The following MOV10L1 variants were observed in gnomAD, a reference collection of about 807,000 sequenced individuals.
The protein encoded by MOV10L1 is Mov10 like RNA helicase 1.
In MOV10L1, 110 loss-of-function variants were observed where a neutral mutation model predicts 143.8. The ratio of observed to expected loss-of-function variants is 0.76; its 90% CI spans 0.66 to 0.90. The LOEUF is 0.90. MOV10L1 is among the 40% of genes least tolerant of loss of function. The probability of loss-of-function intolerance (pLI) is 0.00; values close to 1 mark genes in which losing one functional copy is unlikely to be tolerated. For missense variants in MOV10L1, 1,406 were observed against 1,526.8 expected (o/e 0.92, Z 1.32); for synonymous variants, 593 against 581.1 (o/e 1.02, Z -0.29).
Position 50,159,971 on chromosome 22 carries a change from TCAAAGA to T in MOV10L1, c.3324+188_3324+193del, listed in dbSNP as rs2063514097. ...GTGGGAAGGTCTTTTAAAACAATAC[TCAAAGA>T]CTAAGACACAGGAGAGTAAAGAGAA... On this transcript the variant is annotated intron_variant, in intron 24 of 26. Transcript: ENST00000262794. This position sits in a 1 kb window ranked among gnomAD's most constrained non-coding sequence, Gnocchi z 4.1. 1.3e-5 allele frequency among the ~76,000 whole-genome samples: 2 copies of T among 151,874 alleles called. No homozygotes were observed. The highest frequency in any genetic ancestry group is 1.3e-4 in the Admixed American group (2 of 15,244).
intron 1 of MOV10L1, 108 bp from the exon 2 acceptor site, chr22:50,091,892 CG>C (rs2062453934): frequency 9.2e-7 from 1 of 1,089,396 alleles, no homozygotes; most frequent in African/African-American, 1.6e-5. Context: ...TCAGTGCCTC[CG>C]AACTGCAAAA....
intron 22 of MOV10L1, among the ~76,000 whole-genome samples, chr22:50,155,668 G>T (rs1415473444): frequency 1.3e-5 from 2 of 152,194 alleles, no homozygotes; most frequent in East Asian, 3.9e-4. Context: ...TAGAGACGGG[G>T]TTTCACCATG....
rs377555337 is a variant in MOV10L1, at chr22:50,150,810, G to C, written c.2803G>C (p.Val935Leu). 1 of 1,614,102 alleles carries C rather than the reference G, an allele frequency of 6.2e-7. No individual in the cohort carries two copies. The highest frequency in any genetic ancestry group is 8.5e-7 in the Non-Finnish European group (1 of 1,180,038). Residue 935 changes from valine to leucine, a missense_variant, in exon 21 of 27, where the codon GTG (valine) becomes CTG (leucine). Physicochemically the swap from Val to Leu is conservative, Grantham distance 32. Transcript: ENST00000262794. ...SRLAMAYGLN[V>L]SFLERLMSRP... ...ACTCGCCATGGCCTATGGGCTGAAC[G>C]TGTCCTTTTTGGAACGGCTGATGTC...
intron 12 of MOV10L1, among the ~76,000 whole-genome samples, chr22:50,126,591 A>G (rs1228601467): frequency 6.6e-6 from 1 of 151,954 alleles, no homozygotes; most frequent in Non-Finnish European, 1.5e-5. Flanking sequence ...AAATACACCT[A>G]TGAGTTTGCA....
intron 19 of MOV10L1, among the ~76,000 whole-genome samples, chr22:50,146,619 G>A (rs956481852): frequency 2.0e-5 from 3 of 152,110 alleles, no homozygotes; most frequent in African/African-American, 7.2e-5. Context: ...AGGTCGCTCT[G>A]AACAGTGTCC....
chr22:50,154,986 CAT>C (rs1214168444), intron 22 of MOV10L1, among the ~76,000 whole-genome samples: 3 of 152,150 alleles, frequency 2.0e-5, no homozygotes, highest in Non-Finnish European at 4.4e-5. Flanking sequence ...CTTTTAGTGA[CAT>C]AAATCAGCCC....
At chr22:50,141,258 G>A (rs1267447572) in intron 15 of MOV10L1, among the ~76,000 whole-genome samples, 5 of 151,724 alleles carry the variant, frequency 3.3e-5, no homozygotes, top group Admixed American at 6.6e-5. Context: ...GGATGGTCTC[G>A]ATCTCTTGAC....
In MOV10L1 at chr22:50,159,310, G is replaced by C. The variant is rs2063498838; in HGVS notation, c.3217-368G>C. On this transcript the variant is annotated intron_variant, in intron 23 of 26. Coordinates refer to ENST00000262794, the MANE Select transcript of MOV10L1 (RefSeq NM_018995.3). The surrounding 1 kb of genome is among the most constrained non-coding windows in gnomAD (Gnocchi z 4.1). ...TTATGCTGTGATGTGTAAAGAGATGGATTTGTACATGTCGGGCGTGGTGGC... is the reference window on the plus strand; with the variant it reads ...TTATGCTGTGATGTGTAAAGAGATGCATTTGTACATGTCGGGCGTGGTGGC... 6.2e-6 allele frequency: 1 copy of C among 160,188 alleles called. No individual in the cohort carries two copies. The highest frequency in any genetic ancestry group is 6.4e-5 in the Admixed American group (1 of 15,510). The allele number at this position is 160,188 out of a possible 1,614,324, so 9.9% of individuals were successfully genotyped here.
At position 50,161,507 on chromosome 22, in the gene MOV10L1, A is replaced by C; in HGVS notation, c.*58A>C. On this transcript the variant is annotated 3_prime_UTR_variant, in exon 27 of 27. Transcript: ENST00000262794. ...CTCAGCCTGGCCACGTTGCCGTTACAGTCTGCTCCGTGGCTCCTGTGGCCT... is the reference window on the plus strand; with the variant it reads ...CTCAGCCTGGCCACGTTGCCGTTACCGTCTGCTCCGTGGCTCCTGTGGCCT... The C allele has an allele frequency of 6.7e-7, 1 of 1,502,812 alleles. No individual in the cohort carries two copies. Among genetic ancestry groups the C allele is most frequent in the Non-Finnish European group, 9.0e-7 (1 of 1,108,786 alleles). 93.1% of individuals were successfully genotyped at this position (1,502,812 alleles called of 1,614,324 possible).
rs1416078301 is a variant in MOV10L1 at position 50,090,031 on chromosome 22, G to A, written c.-58G>A. Reference sequence around the variant, plus strand: ...ATTGGTGGCGGGCGGCGGGAGCGGCGCGGGCGCGTGCGGGCGGCGGCAGCG... The same window carrying A: ...ATTGGTGGCGGGCGGCGGGAGCGGCACGGGCGCGTGCGGGCGGCGGCAGCG... On this transcript the variant is annotated 5_prime_UTR_variant, in exon 1 of 27. Coordinates refer to ENST00000262794, the MANE Select transcript of MOV10L1 (RefSeq NM_018995.3). The A allele has an allele frequency of 9.5e-6, 11 of 1,163,414 alleles. No homozygotes were observed. The highest frequency in any genetic ancestry group is 8.2e-5 in the African/African-American group (5 of 61,242). The allele number at this position is 1,163,414 out of a possible 1,614,324, so 72.1% of individuals were successfully genotyped here. A position where few individuals can be genotyped will look rare whatever the true frequency, so the allele number is the denominator to read the frequency against.
At chr22:50,108,932 G>C (rs1036295323) in intron 5 of MOV10L1, 88 bp downstream of exon 5, 1 of 1,338,126 alleles carries the variant, frequency 7.5e-7, no homozygotes. Context: ...ATCACCTGAG[G>C]TTGGGAGTTC....
At chr22:50,133,026 C>G (rs991055767) in intron 13 of MOV10L1, among the ~76,000 whole-genome samples, 1 of 147,608 alleles carries the variant, frequency 6.8e-6, no homozygotes, top group South Asian at 2.2e-4. Context: ...CAGAGCAAGC[C>G]TCCGTCTGAA....
intron 3 of MOV10L1, among the ~76,000 whole-genome samples, chr22:50,104,152 A>G (rs770115549): frequency 4.6e-5 from 7 of 152,182 alleles, no homozygotes; most frequent in Admixed American, 1.3e-4. Context: ...ATGAGAATCT[A>G]CTACCCCTGC....
intron 4 of MOV10L1, 186 bp from the exon 5 acceptor site, chr22:50,108,471 C>T (rs3810974): frequency 0.24 from 181,485 of 754,912 alleles, 23,277 homozygotes; most frequent in Admixed American, 0.38. Context: ...GTAGCTTATG[C>T]AACAGTGCTA....
At chr22:50,118,449 A>G (rs2062243747) in intron 9 of MOV10L1, among the ~76,000 whole-genome samples, 1 of 152,194 alleles carries the variant, frequency 6.6e-6, no homozygotes, top group African/African-American at 2.4e-5. Context: ...ATTGAGAAAA[A>G]GGGGCTCACT....
At position 50,144,259 on chromosome 22, in the gene MOV10L1, A is replaced by G; in HGVS notation, c.2505+16A>G. 6.3e-7 allele frequency: 1 copy of G among 1,586,854 alleles called. No homozygotes were observed. The highest frequency in any genetic ancestry group is 8.6e-7 in the Non-Finnish European group (1 of 1,161,120). ...GTTCGAGGAGGTGAGCCCTTGGTGC[A>G]AGCAGTGGGGGGCACCAGAACCCCT... On this transcript the variant is annotated intron_variant, in intron 18 of 26. Transcript: ENST00000262794.
chr22:50,117,245 G>A lies in MOV10L1; in HGVS notation c.1348G>A (p.Glu450Lys), dbSNP rs145100144. 175 of 1,614,006 alleles carry A rather than the reference G, an allele frequency of 1.1e-4. No homozygotes were observed. Among genetic ancestry groups the A allele is most frequent in the Non-Finnish European group, 1.4e-4 (167 of 1,180,040 alleles). Residue 450 changes from glutamate to lysine, a missense_variant, in exon 9 of 27, where the codon GAG (glutamate) becomes AAG (lysine). Around this residue, in one of 3 missense-constraint regions of MOV10L1, gnomAD observed 1,233 missense variants for 1,351.4 expected, o/e 0.91. Coordinates refer to ENST00000262794, the MANE Select transcript of MOV10L1 (RefSeq NM_018995.3). The part of the protein sequence containing the change: ...RYLEVNVISG[E>K]ESLIAAREPF... Reference sequence around the variant, plus strand: ...CCTTGAAGTAAATGTTATCAGTGGGGAGGAGTCACTAATTGCTGCGCGCGA... The same window carrying A: ...CCTTGAAGTAAATGTTATCAGTGGGAAGGAGTCACTAATTGCTGCGCGCGA...
intron 3 of MOV10L1, among the ~76,000 whole-genome samples, chr22:50,103,969 C>T (rs1186153580): frequency 6.6e-6 from 1 of 152,142 alleles, no homozygotes; most frequent in African/African-American, 2.4e-5. Flanking sequence ...AATAATTATA[C>T]AACTCACCAT....
chr22:50,138,266 A>T (rs751277082), intron 15 of MOV10L1, among the ~76,000 whole-genome samples: 10 of 152,234 alleles, frequency 6.6e-5, no homozygotes, highest in Non-Finnish European at 1.0e-4. Context: ...AGGCATCCGC[A>T]TCCTGTAGAA....
Sources: allele counts gnomAD v4.1 joint callset (sites outside exome capture counted in the v4.1 genomes callset), GRCh38; gene constraint gnomAD v4.1.1; regional missense constraint gnomAD v4.1.1; non-coding constraint Gnocchi (gnomAD v3.1); transcripts MANE v1.5; gene names NCBI Gene and HGNC (gene_info 2026-07-23, HGNC 2026-07-21).